The following ZFP64 variants were observed in gnomAD, a reference collection of about 807,000 sequenced individuals.
ZFP64 encodes ZFP64 zinc finger protein.
A neutral mutation model predicts 51.6 loss-of-function variants in ZFP64; 14 were observed. The observed-to-expected ratio is 0.27, with a 90% CI of 0.18 to 0.42. ZFP64 has a LOEUF of 0.42. ZFP64 is among the 10% of genes least tolerant of loss of function. The pLI is 1.00. For synonymous variants in ZFP64, 375 were observed against 361.4 expected (o/e 1.04, Z -0.43); for missense variants, 754 against 906.8 (o/e 0.83, Z 2.16).
intron 5 of ZFP64, chr20:52,110,458 C>T (rs1396936510): frequency 4.6e-6 from 3 of 650,192 alleles, no homozygotes; most frequent in African/African-American, 3.6e-5. Context: ...GCCTGGAGAT[C>T]CATGTCATCT....
intron 5 of ZFP64, among the ~76,000 whole-genome samples, chr20:52,113,014 C>G (rs1413105278): frequency 6.6e-6 from 1 of 152,104 alleles, no homozygotes; most frequent in Non-Finnish European, 1.5e-5. Flanking sequence ...TTTATCCAGG[C>G]ACAAATGATT....
chr20:52,136,096 C>CAAAAAAAAAAAAAAA (rs71192597), intron 5 of ZFP64, among the ~76,000 whole-genome samples: 1 of 38,022 alleles, frequency 2.6e-5, no homozygotes, highest in Non-Finnish European at 4.4e-5. Context: ...GAGACTCTCT[C>CAAAAAAAAAAAAAAA]AAAAAAAAAA....
At chr20:52,084,680 C>G in exon 9 of ZFP64, 3 of 1,614,272 alleles carry the variant, frequency 1.9e-6, no homozygotes, top group Non-Finnish European at 2.5e-6. Context: ...TGTTCTCACT[C>G]TGATCACTGT....
chr20:52,134,443 T>G (rs1979874016), intron 5 of ZFP64, among the ~76,000 whole-genome samples: 1 of 152,206 alleles, frequency 6.6e-6, no homozygotes, highest in South Asian at 2.1e-4. Flanking sequence ...TATCTCAGTT[T>G]GGTGGCAAGC....
chr20:52,102,930 G>C (rs967376296), intron 5 of ZFP64, among the ~76,000 whole-genome samples: 2 of 152,164 alleles, frequency 1.3e-5, no homozygotes, highest in African/African-American at 4.8e-5. Flanking sequence ...GATTCTCAGG[G>C]GGAGAAAGAT....
Position 52,186,828 on chromosome 20 carries a change from G to GT in ZFP64, c.286+3dup, listed in dbSNP as rs1468623231. ...TGGCCGACTCCCCCATGCTCCAGCT[G>GT]TACCTGTGATTGTCTGGGTCTCCGA... On this transcript the variant is annotated splice_donor_region_variant and intron_variant, in intron 2 of 5. Transcript: ENST00000216923. The GT allele has an allele frequency of 6.2e-7, 1 of 1,601,212 alleles. No homozygotes were observed. Among genetic ancestry groups the GT allele is most frequent in the East Asian group, 2.2e-5 (1 of 44,502 alleles).
chr20:52,108,984 T>A (rs1471995038), intron 5 of ZFP64, among the ~76,000 whole-genome samples: 1 of 151,934 alleles, frequency 6.6e-6, no homozygotes, highest in African/African-American at 2.4e-5. Flanking sequence ...CCTCTTTCAA[T>A]CCCATTTGCC....
At chr20:52,118,672 A>G (rs1979006211) in intron 5 of ZFP64, among the ~76,000 whole-genome samples, 2 of 152,376 alleles carry the variant, frequency 1.3e-5, no homozygotes, top group South Asian at 4.1e-4. Flanking sequence ...ACCTTTGGGA[A>G]TATGAAAGCA....
chr20:52,183,598 T>C (rs900386047), intron 2 of ZFP64, among the ~76,000 whole-genome samples: 2 of 152,226 alleles, frequency 1.3e-5, no homozygotes, highest in Non-Finnish European at 2.9e-5. Flanking sequence ...AAGGGTTTTC[T>C]GGTTTTCACC....
intron 5 of ZFP64, among the ~76,000 whole-genome samples, chr20:52,135,686 G>C (rs559845106): frequency 2.2e-4 from 34 of 151,624 alleles, no homozygotes; most frequent in African/African-American, 8.2e-4. Context: ...GCAGGGTTTC[G>C]ACATGTTGCC....
At chr20:52,155,437 C>T (rs1045486191) in intron 5 of ZFP64, among the ~76,000 whole-genome samples, 10 of 152,190 alleles carry the variant, frequency 6.6e-5, no homozygotes, top group African/African-American at 2.4e-4. Context: ...CGTCTGTAGA[C>T]TCAAAGTCAG....
At chr20:52,162,331 T>C (rs774373055) in intron 4 of ZFP64, among the ~76,000 whole-genome samples, 8 of 144,570 alleles carry the variant, frequency 5.5e-5, no homozygotes, top group Non-Finnish European at 1.1e-4. Context: ...TTTTTATTAT[T>C]AAACATTTTA....
At chr20:52,171,540 A>T (rs1982727257) in intron 2 of ZFP64, among the ~76,000 whole-genome samples, 1 of 151,852 alleles carries the variant, frequency 6.6e-6, no homozygotes, top group Non-Finnish European at 1.5e-5. Context: ...CCCAGGCTGG[A>T]GTGCAACGGC....
chr20:52,135,103 ATC>A (rs764285016), intron 5 of ZFP64, among the ~76,000 whole-genome samples: 1 of 152,120 alleles, frequency 6.6e-6, no homozygotes, highest in Non-Finnish European at 1.5e-5. Flanking sequence ...ACCTCAAGTG[ATC>A]TGTCTGCTTC....
At chr20:52,156,307 G>A (rs1014659286) in intron 5 of ZFP64, among the ~76,000 whole-genome samples, 3 of 152,200 alleles carry the variant, frequency 2.0e-5, no homozygotes, top group Non-Finnish European at 4.4e-5. Flanking sequence ...CCTCAACCAT[G>A]TCGTTGGGTT....
chr20:52,132,100 AAAC>A (rs1979750252), intron 5 of ZFP64, among the ~76,000 whole-genome samples: 1 of 152,230 alleles, frequency 6.6e-6, no homozygotes, highest in African/African-American at 2.4e-5. Context: ...CCTGGAAATT[AAAC>A]AACATGCTCC....
At chr20:52,114,831 A>T (rs1396767369) in intron 5 of ZFP64, among the ~76,000 whole-genome samples, 2 of 152,216 alleles carry the variant, frequency 1.3e-5, no homozygotes, top group Non-Finnish European at 2.9e-5. Flanking sequence ...TAGCAAAAAA[A>T]AATGAAGAAA....
downstream of ZFP64, among the ~76,000 whole-genome samples, chr20:52,151,033 T>A (rs1045345673): frequency 1.3e-5 from 2 of 152,216 alleles, no homozygotes; most frequent in Non-Finnish European, 2.9e-5. Flanking sequence ...TGATCATTTT[T>A]GTGTCTAAAC....
At chr20:52,154,079 G>A (rs955386320) in intron 5 of ZFP64, among the ~76,000 whole-genome samples, 1 of 152,122 alleles carries the variant, frequency 6.6e-6, no homozygotes, top group Non-Finnish European at 1.5e-5. Flanking sequence ...CAAGGCAAGT[G>A]AAATTGCAAA....
Sources: allele counts gnomAD v4.1 joint callset (sites outside exome capture counted in the v4.1 genomes callset), GRCh38; gene constraint gnomAD v4.1.1; transcripts MANE v1.5; gene names NCBI Gene and HGNC (gene_info 2026-07-23, HGNC 2026-07-21).